PARP8: variants seen among roughly 807,000 people sequenced by gnomAD.
PARP8 encodes protein mono-ADP-ribosyltransferase PARP8.
In PARP8, 51 loss-of-function variants were observed where a neutral mutation model predicts 124.1. The observed-to-expected ratio is 0.41, with a 90% CI of 0.33 to 0.52. The LOEUF is 0.52. Ranked by LOEUF, PARP8 falls within the 20% of genes least tolerant of loss-of-function variation. PARP8 has a pLI of 0.21. For missense variants in PARP8, 860 were observed against 1,018.9 expected (o/e 0.84, Z 2.12); for synonymous variants, 391 against 361.5 (o/e 1.08, Z -0.93).
chr5:50,832,961 G>A, intron 23 of PARP8, 107 bp downstream of exon 23: 2 of 925,558 alleles, frequency 2.2e-6, no homozygotes, highest in South Asian at 1.5e-5. Context: ...TATTTAATGT[G>A]GTCATTACTT....
intron 7 of PARP8, among the ~76,000 whole-genome samples, chr5:50,772,679 C>CTTTTATTTTTAT (rs370907172): frequency 3.3e-5 from 5 of 151,492 alleles, no homozygotes; most frequent in African/African-American, 4.9e-5. Flanking sequence ...GGTCTTTTGC[C>CTTTTATTTTTAT]TTTTATTTTT....
intron 2 of PARP8, among the ~76,000 whole-genome samples, chr5:50,671,546 C>T (rs1219897493): frequency 1.3e-5 from 2 of 151,420 alleles, no homozygotes; most frequent in African/African-American, 4.8e-5. Flanking sequence ...AGAAATACGC[C>T]AAAAAGAAGA....
intron 7 of PARP8, among the ~76,000 whole-genome samples, chr5:50,773,569 C>T (rs760070202): frequency 5.3e-5 from 8 of 152,154 alleles, no homozygotes; most frequent in Non-Finnish European, 1.0e-4. Flanking sequence ...GTTTTGGTTA[C>T]TATAGCTTTG....
In PARP8 at chr5:50,807,205, A is replaced by G. The variant is rs185236682; in HGVS notation, c.1576-8227A>G. On this transcript the variant is annotated intron_variant, in intron 14 of 25. Transcript: ENST00000281631. Reference sequence around the variant, plus strand: ...TATCTGTCACTCCATTCAGAGGTCTAGGTTAGCATGTCGCACTCTCTGCAA... The same window carrying G: ...TATCTGTCACTCCATTCAGAGGTCTGGGTTAGCATGTCGCACTCTCTGCAA... Among the ~76,000 whole-genome samples the G allele has an allele frequency of 2.0e-3, 306 of 152,034 alleles. 2 individuals are homozygous for G. The highest frequency in any genetic ancestry group is 3.9e-3 in the South Asian group (19 of 4,820).
chr5:50,676,676 G>A lies in PARP8; in HGVS notation c.146+8551G>A, dbSNP rs1157637093. On this transcript the variant is annotated intron_variant, in intron 2 of 25. Transcript: ENST00000281631. ...TACTTTCAGAGAAGCTCGTGGTGGGGGAAATCTGGAATTTGTCTAAATATT... is the reference window on the plus strand; with the variant it reads ...TACTTTCAGAGAAGCTCGTGGTGGGAGAAATCTGGAATTTGTCTAAATATT... Among the ~76,000 whole-genome samples the A allele has an allele frequency of 2.0e-5, 3 of 152,042 alleles. No individual in the cohort carries two copies. In the East Asian group the frequency reaches 5.8e-4, roughly 29 times the overall value.
intron 2 of PARP8, among the ~76,000 whole-genome samples, chr5:50,703,301 A>C (rs1753788301): frequency 1.1e-5 from 1 of 93,432 alleles, no homozygotes; most frequent in Non-Finnish European, 2.3e-5. Flanking sequence ...CCGTGTCTCA[A>C]AAAAAAAAAA....
At chr5:50,724,322 G>A (rs573566860) in intron 2 of PARP8, among the ~76,000 whole-genome samples, 1 of 152,132 alleles carries the variant, frequency 6.6e-6, no homozygotes, top group Admixed American at 6.6e-5. Context: ...AAATTGCTAA[G>A]TTTTCAGTAG....
At chr5:50,683,291 T>C (rs1337362158) in intron 2 of PARP8, among the ~76,000 whole-genome samples, 3 of 152,216 alleles carry the variant, frequency 2.0e-5, no homozygotes, top group African/African-American at 4.8e-5. Flanking sequence ...CCTTTGGCTA[T>C]TTGACAAGGA....
rs1310767366 is a variant in PARP8, at chr5:50,773,093, C to G, written c.519-4976C>G. ...CCTTATATATTCTTGATATAAACCCCTTGTGAGATGCATGGCTTGCAGTTA... is the reference window on the plus strand; with the variant it reads ...CCTTATATATTCTTGATATAAACCCGTTGTGAGATGCATGGCTTGCAGTTA... On this transcript the variant is annotated intron_variant, in intron 7 of 25. Coordinates refer to ENST00000281631, the MANE Select transcript of PARP8 (RefSeq NM_024615.4). Among the ~76,000 whole-genome samples the G allele has an allele frequency of 3.3e-5, 5 of 152,264 alleles. No individual in the cohort carries two copies. The East Asian group carries it at 9.6e-4, about 29-fold the overall frequency.
intron 15 of PARP8, among the ~76,000 whole-genome samples, chr5:50,817,754 C>T (rs1745263235): frequency 6.6e-6 from 1 of 152,118 alleles, no homozygotes; most frequent in Admixed American, 6.5e-5. Flanking sequence ...CCCTTAGGCT[C>T]TTCCTATAGG....
rs1317366404 is a variant in PARP8 at position 50,827,869 on chromosome 5, A to C, written c.1978-75A>C. ...AAAGTGGGTAATTCTTAAACCAATA[A>C]AATTTGAAATTGTCATCAGCCTGAA... On this transcript the variant is annotated intron_variant, in intron 19 of 25. Coordinates refer to ENST00000281631, the MANE Select transcript of PARP8 (RefSeq NM_024615.4). The C allele has an allele frequency of 3.6e-6, 4 of 1,105,690 alleles. No homozygotes were observed. The African/African-American group carries it at 4.7e-5, about 13-fold the overall frequency. 68.5% of individuals were successfully genotyped at this position (1,105,690 alleles called of 1,614,324 possible). A position where few individuals can be genotyped will look rare whatever the true frequency, so the allele number is the denominator to read the frequency against.
chr5:50,715,188 C>T (rs1044251348), intron 2 of PARP8, among the ~76,000 whole-genome samples: 3 of 152,040 alleles, frequency 2.0e-5, no homozygotes, highest in African/African-American at 7.2e-5. Context: ...ATTCACCCAA[C>T]ATGACCGCAG....
At chr5:50,823,622 A>T (rs1334472935) in intron 17 of PARP8, among the ~76,000 whole-genome samples, 1 of 152,222 alleles carries the variant, frequency 6.6e-6, no homozygotes, top group Non-Finnish European at 1.5e-5. Context: ...ACAAAATCAT[A>T]TAAACATTTT....
At chr5:50,711,446 C>T (rs1663447744) in intron 2 of PARP8, among the ~76,000 whole-genome samples, 1 of 152,104 alleles carries the variant, frequency 6.6e-6, no homozygotes, top group East Asian at 1.9e-4. Context: ...TCTCTGGCCT[C>T]TGAAATGTGA....
rs10461419 is a variant in PARP8, at chr5:50,713,475, A to G, written c.147-36676A>G. On this transcript the variant is annotated intron_variant, in intron 2 of 25. Coordinates refer to ENST00000281631, the MANE Select transcript of PARP8 (RefSeq NM_024615.4). ...AGGCTGACCTTGAACTTCTGGGCTC[A>G]TGTGATTTGCTCCCCTGTGCCTCCC... is the stretch of plus-strand genomic sequence containing the variant. 5.9e-5 allele frequency among the ~76,000 whole-genome samples: 9 copies of G among 152,166 alleles called. 1 individual carries two copies. The East Asian group carries it at 1.7e-3, about 30-fold the overall frequency.
chr5:50,682,907 A>G (rs1441555289), intron 2 of PARP8, among the ~76,000 whole-genome samples: 2 of 149,114 alleles, frequency 1.3e-5, no homozygotes, highest in Admixed American at 6.8e-5. Flanking sequence ...GAACTAATAT[A>G]GGAACATATG....
intron 17 of PARP8, 51 bp downstream of exon 17, chr5:50,822,451 T>C (rs752566142): frequency 1.7e-5 from 24 of 1,403,556 alleles, no homozygotes; most frequent in Non-Finnish European, 2.3e-5. Context: ...TGTCTGAGAG[T>C]TCTAGCTATG....
intron 2 of PARP8, among the ~76,000 whole-genome samples, chr5:50,710,675 G>C (rs1014068632): frequency 6.6e-6 from 1 of 151,988 alleles, no homozygotes; most frequent in African/African-American, 2.4e-5. Context: ...TTTTTGTGTG[G>C]ATGCTCTTTT....
intron 14 of PARP8, among the ~76,000 whole-genome samples, chr5:50,807,661 AT>A (rs1394315240): frequency 1.3e-5 from 2 of 152,024 alleles, no homozygotes; most frequent in African/African-American, 4.8e-5. Context: ...TCAATCGTGG[AT>A]TGGTATAATG....
Sources: gnomAD v4.1 joint callset for allele counts (sites outside exome capture counted in the v4.1 genomes callset) on GRCh38, gnomAD v4.1.1 for gene constraint, MANE v1.5 for transcripts, NCBI Gene and HGNC (gene_info 2026-07-23, HGNC 2026-07-21) for gene names.